The following GPAT4 variants were observed in gnomAD, a reference collection of about 807,000 sequenced individuals.
The protein encoded by GPAT4 is glycerol-3-phosphate acyltransferase 4.
A neutral mutation model predicts 58.0 loss-of-function variants in GPAT4; 17 were observed. That is an observed-to-expected ratio of 0.29 (90% CI 0.20 to 0.44). The LOEUF (loss-of-function observed/expected upper bound fraction) is 0.44, where lower values mean the gene tolerates loss of function less well. Among genes scored for constraint, GPAT4 ranks in the 20% least tolerant of loss-of-function variants. The pLI is 1.00. For synonymous variants in GPAT4, 204 were observed against 210.1 expected (o/e 0.97, Z 0.25); for missense variants, 377 against 574.5 (o/e 0.66, Z 3.51).
At chr8:41,600,563 C>T (rs1803059924) in intron 2 of GPAT4, among the ~76,000 whole-genome samples, 1 of 149,570 alleles carries the variant, frequency 6.7e-6, no homozygotes, top group Non-Finnish European at 1.5e-5. Flanking sequence ...TTTTTTGGTA[C>T]TTAGTATGTC....
At chr8:41,600,047 T>TG (rs1352715516) in intron 2 of GPAT4, among the ~76,000 whole-genome samples, 2 of 140,034 alleles carry the variant, frequency 1.4e-5, no homozygotes, top group African/African-American at 5.5e-5. Flanking sequence ...TTTTTTTTTT[T>TG]TTTTTTTCGA....
At chr8:41,605,789 C>G (rs1185053428) in intron 2 of GPAT4, among the ~76,000 whole-genome samples, 1 of 152,156 alleles carries the variant, frequency 6.6e-6, no homozygotes, top group African/African-American at 2.4e-5. Context: ...CCAGGCTGGT[C>G]TCAAACTCCT....
At chr8:41,617,095 T>C (rs10958695) in intron 10 of GPAT4, among the ~76,000 whole-genome samples, 84,435 of 152,034 alleles carry the variant, frequency 0.56, 24,054 homozygotes, top group Middle Eastern at 0.71. Flanking sequence ...GATGCAGTGG[T>C]TCACGCCTGT....
intron 1 of GPAT4, among the ~76,000 whole-genome samples, chr8:41,584,157 A>G (rs1200498280): frequency 2.6e-5 from 4 of 152,186 alleles, no homozygotes; most frequent in Admixed American, 2.0e-4. Context: ...TCGGCCTCCC[A>G]GAATGCTGAA....
intron 4 of GPAT4, 59 bp from the exon 5 acceptor site, chr8:41,610,677 A>G: frequency 3.1e-6 from 5 of 1,594,606 alleles, no homozygotes; most frequent in African/African-American, 1.3e-5. Flanking sequence ...TCACACCTTC[A>G]GTTCTGTACT....
At chr8:41,582,848 T>C (rs982892129) in intron 1 of GPAT4, among the ~76,000 whole-genome samples, 3 of 152,168 alleles carry the variant, frequency 2.0e-5, no homozygotes, top group African/African-American at 7.2e-5. Flanking sequence ...TCAGAGTATT[T>C]AGGATATCCA....
chr8:41,620,780 C>G (rs1382371153), intron 12 of GPAT4, 113 bp from the exon 13 acceptor site: 17 of 1,487,948 alleles, frequency 1.1e-5, no homozygotes, highest in Non-Finnish European at 1.4e-5. Context: ...CACGGGGTAC[C>G]CTGTTTCTGG....
intron 12 of GPAT4, 37 bp from the exon 13 acceptor site, chr8:41,620,856 T>C: frequency 6.5e-7 from 1 of 1,549,606 alleles, no homozygotes; most frequent in African/African-American, 1.4e-5. Context: ...CTGGGAGCCC[T>C]CTTGGCTGTT....
chr8:41,585,964 A>G (rs1802644495), intron 1 of GPAT4, among the ~76,000 whole-genome samples: 1 of 152,274 alleles, frequency 6.6e-6, no homozygotes, highest in Admixed American at 6.5e-5. Context: ...TTTTAAAAAT[A>G]GCTTTATTGA....
At chr8:41,603,212 C>T (rs1010892504) in intron 2 of GPAT4, among the ~76,000 whole-genome samples, 2 of 152,142 alleles carry the variant, frequency 1.3e-5, no homozygotes, top group Admixed American at 1.3e-4. Context: ...GCATTTAAAT[C>T]GCCTGGGGAG....
intron 8 of GPAT4, among the ~76,000 whole-genome samples, chr8:41,613,925 C>T (rs868727359): frequency 6.6e-6 from 1 of 152,166 alleles, no homozygotes; most frequent in Middle Eastern, 3.2e-3. Context: ...CAAAAAATAA[C>T]ACATAAGAAA....
intron 1 of GPAT4, 23 bp downstream of exon 1, chr8:41,578,301 C>T (rs1266936457): frequency 6.6e-6 from 1 of 151,694 alleles, no homozygotes; most frequent in African/African-American, 2.4e-5. Flanking sequence ...GAGCTGGCCC[C>T]TTACCTCAAA....
intron 1 of GPAT4, among the ~76,000 whole-genome samples, chr8:41,586,746 T>TA (rs563141623): frequency 1.4e-3 from 219 of 152,326 alleles, no homozygotes; most frequent in African/African-American, 4.6e-3. Context: ...CTCCTTTTTT[T>TA]AGAGAACTAG....
chr8:41,596,595 C>T (rs917076767), intron 1 of GPAT4, among the ~76,000 whole-genome samples: 1 of 152,184 alleles, frequency 6.6e-6, no homozygotes, highest in African/African-American at 2.4e-5. Context: ...GCTGCTCTGG[C>T]GACATGTCCC....
chr8:41,614,927 A>C, intron 9 of GPAT4, 36 bp from the exon 10 acceptor site: 4 of 1,574,458 alleles, frequency 2.5e-6, no homozygotes, highest in Non-Finnish European at 3.5e-6. Context: ...GTAAAGGGCC[A>C]ACAGAAATAG....
intron 1 of GPAT4, among the ~76,000 whole-genome samples, chr8:41,588,365 A>G (rs1039921372): frequency 1.3e-5 from 2 of 152,206 alleles, no homozygotes; most frequent in African/African-American, 2.4e-5. Context: ...TTGATTCTGC[A>G]TTTAGGAGTG....
intron 12 of GPAT4, among the ~76,000 whole-genome samples, chr8:41,619,593 T>C (rs558340221): frequency 6.6e-6 from 1 of 152,220 alleles, no homozygotes; most frequent in Non-Finnish European, 1.5e-5. Context: ...GGGCTGCATT[T>C]GACCAGCCCT....
rs1202703768 is a variant in GPAT4 at position 41,612,972 on chromosome 8, A to G, written c.911+12A>G. The stretch of plus-strand genomic sequence containing the variant: ...CTGGTGGCTAAGAGGTAATGGACAG[A>G]ACACTGCTGTTCTGCTTGGCCAGTT... On this transcript the variant is annotated intron_variant, in intron 8 of 12. Transcript: ENST00000396987. 1 of 1,611,676 alleles carries G rather than the reference A, an allele frequency of 6.2e-7. No homozygotes were observed. The highest frequency in any genetic ancestry group is 1.7e-5 in the Admixed American group (1 of 59,958).
intron 12 of GPAT4, 105 bp downstream of exon 12, chr8:41,619,082 A>G (rs926028008): frequency 1.5e-6 from 2 of 1,352,832 alleles, no homozygotes; most frequent in African/African-American, 2.9e-5. Context: ...TAAACTTGTC[A>G]GCTCTAGAGA....
Sources: allele counts gnomAD v4.1 joint callset (sites outside exome capture counted in the v4.1 genomes callset), GRCh38; gene constraint gnomAD v4.1.1; transcripts MANE v1.5; gene names NCBI Gene and HGNC (gene_info 2026-07-23, HGNC 2026-07-21).